The following EQTN variants were observed in gnomAD, a reference collection of about 807,000 sequenced individuals.
EQTN encodes equatorin.
EQTN carries 29 observed loss-of-function variants against 26.9 expected under a neutral mutation model. The ratio of observed to expected loss-of-function variants is 1.08; its 90% CI spans 0.80 to 1.47. The LOEUF (loss-of-function observed/expected upper bound fraction) is 1.47, where lower values mean the gene tolerates loss of function less well. Ranked by LOEUF, EQTN falls within the 40% of genes most tolerant of loss-of-function variation. EQTN has a pLI of 0.00. For synonymous variants in EQTN, 129 were observed against 120.0 expected (o/e 1.07, Z -0.49); for missense variants, 391 against 346.1 (o/e 1.13, Z -1.03).
intron 5 of EQTN, 32 bp downstream of exon 5, chr9:27,290,987 G>C (rs750271758): frequency 1.3e-6 from 2 of 1,599,766 alleles, no homozygotes; most frequent in Non-Finnish European, 8.5e-7. Context: ...AAACCAAAAT[G>C]TTTCCCAAGC....
At chr9:27,287,075 C>G (rs1392122921) in intron 6 of EQTN, among the ~76,000 whole-genome samples, 2 of 152,126 alleles carry the variant, frequency 1.3e-5, no homozygotes, top group East Asian at 1.9e-4. Flanking sequence ...TTACATTTTC[C>G]TGAATATATA....
Position 27,294,369 on chromosome 9 carries a change from T to A in EQTN, c.236A>T (p.Glu79Val). ...TGTGGCTCTCACAGATATTTCAGACTCAGTGCCATTTGGATTTTGTGTTGT... is the reference window on the plus strand; with the variant it reads ...TGTGGCTCTCACAGATATTTCAGACACAGTGCCATTTGGATTTTGTGTTGT... ...VFTTQNPNGT[E>V]SEISVRATTD... Residue 79 changes from glutamate (E) to valine (V), a missense_variant, in exon 3 of 8, where the codon GAG (glutamate) becomes GTG (valine). By Grantham distance (121) the Glu-to-Val change is moderately radical. Coordinates refer to ENST00000380032, the MANE Select transcript of EQTN (RefSeq NM_020641.3). 1 of 1,610,804 alleles carries A rather than the reference T, an allele frequency of 6.2e-7. No homozygotes were observed. The highest frequency in any genetic ancestry group is 8.5e-7 in the Non-Finnish European group (1 of 1,177,918).
intron 3 of EQTN, among the ~76,000 whole-genome samples, chr9:27,293,320 ATCC>A (rs540708302): frequency 6.0e-4 from 91 of 152,248 alleles, no homozygotes; most frequent in African/African-American, 2.1e-3. Context: ...TGCAACCCTT[ATCC>A]TCTGGAGAAA....
intron 6 of EQTN, among the ~76,000 whole-genome samples, chr9:27,287,319 T>A (rs1820142823): frequency 6.6e-6 from 1 of 152,232 alleles, no homozygotes; most frequent in South Asian, 2.1e-4. Flanking sequence ...TCAATGACTC[T>A]TTTAATGCTT....
At chr9:27,295,859 G>GAAAAAA (rs1563833686) in intron 2 of EQTN, among the ~76,000 whole-genome samples, 2 of 128,400 alleles carry the variant, frequency 1.6e-5, no homozygotes, top group Admixed American at 7.8e-5. Flanking sequence ...AAAAAACAAC[G>GAAAAAA]ATAAAATTAC....
intron 5 of EQTN, among the ~76,000 whole-genome samples, chr9:27,290,226 C>CA (rs1351094748): frequency 6.6e-6 from 1 of 151,964 alleles, no homozygotes; most frequent in Non-Finnish European, 1.5e-5. Context: ...ACAAAAAATG[C>CA]AAAAAACGTG....
intron 3 of EQTN, among the ~76,000 whole-genome samples, chr9:27,293,386 A>G (rs989275288): frequency 6.6e-6 from 1 of 152,164 alleles, no homozygotes; most frequent in Non-Finnish European, 1.5e-5. Context: ...TTTAGGGACT[A>G]TACTTAAGCA....
chr9:27,290,043 T>G (rs1751070903), intron 5 of EQTN, among the ~76,000 whole-genome samples: 1 of 152,204 alleles, frequency 6.6e-6, no homozygotes, highest in South Asian at 2.1e-4. Flanking sequence ...GTTGATTCAT[T>G]AACACTGAAC....
rs1820120248 is a variant in EQTN at position 27,286,274 on chromosome 9, G to A, written c.570C>T (p.Thr190=). The change falls in exon 7 of 8, where the codon ACC becomes ACT. Residue 190 remains threonine (T), a synonymous_variant. Transcript: ENST00000380032. The part of the protein sequence containing the change: ...IKIMLGISLM[T]LLLFVVLLAF... ...CCAAGAGGACCACAAAGAGGAGGAGGGTCATCAACGAGATTCCCAGCATTA... is the reference window on the plus strand; with the variant it reads ...CCAAGAGGACCACAAAGAGGAGGAGAGTCATCAACGAGATTCCCAGCATTA... 6.2e-7 allele frequency: 1 copy of A among 1,613,310 alleles called. No individual in the cohort carries two copies. The highest frequency in any genetic ancestry group is 8.5e-7 in the Non-Finnish European group (1 of 1,179,718).
Position 27,294,328 on chromosome 9 carries a change from C to G in EQTN, c.277G>C (p.Ala93Pro). The change falls in exon 3 of 8, where the codon GCT (alanine) becomes CCT (proline). Residue 93 changes from alanine (A) to proline (P), a missense_variant. Ala to Pro is a conservative substitution (Grantham distance 27, BLOSUM62 -1). Transcript: ENST00000380032. ...TTTCACTTCTTACCGTTTTTTAGAG[C>G]AAAATTCAGGTCAGTTGTGGCTCTC... is the stretch of plus-strand genomic sequence containing the variant. ...SVRATTDLNF[A>P]LKNDKTVNAT... The G allele has an allele frequency of 6.2e-7, 1 of 1,608,026 alleles. No individual in the cohort carries two copies. The highest frequency in any genetic ancestry group is 1.7e-4 in the Middle Eastern group (1 of 6,042).
intron 1 of EQTN, 110 bp downstream of exon 1, chr9:27,296,870 A>G (rs1820355895): frequency 2.6e-6 from 4 of 1,554,850 alleles, no homozygotes; most frequent in Non-Finnish European, 3.5e-6. Context: ...CATAGCTCCA[A>G]CAATAAAGTT....
chr9:27,291,241 A>T (rs1820229232), intron 4 of EQTN, among the ~76,000 whole-genome samples, 178 bp from the exon 5 acceptor site: 1 of 152,232 alleles, frequency 6.6e-6, no homozygotes, highest in Non-Finnish European at 1.5e-5. Context: ...CAGACATTAC[A>T]GTCAAGGAAC....
At chr9:27,296,483 A>C in intron 2 of EQTN, 130 bp downstream of exon 2, 1 of 632,726 alleles carries the variant, frequency 1.6e-6, no homozygotes, top group Non-Finnish European at 2.6e-6. Context: ...ATGAACAGGC[A>C]GGTCACAGAA....
rs1361826662 is a variant in EQTN at position 27,289,906 on chromosome 9, G to A, written c.422-175C>T. ...ACACTGTATTAACGAATACTGAACT[G>A]TTGCTCCCAGGGTAAATACAGGGTT... On this transcript the variant is annotated intron_variant, in intron 5 of 7. Transcript: ENST00000380032. Among the ~76,000 whole-genome samples the A allele has an allele frequency of 8.5e-5, 13 of 152,182 alleles. 1 individual carries two copies. The highest frequency in any genetic ancestry group is 8.5e-4 in the Admixed American group (13 of 15,272).
chr9:27,292,438 T>C lies in EQTN; in HGVS notation c.339A>G (p.Glu113=). The part of the protein sequence containing the change: ...TTYEKSTIEE[E]TTTSEPSHKN... ...TATGAGAGGGTTCGCTAGTAGTTGT[T>C]TCTTCTTCAATGGTGGATTTTTCAT... The change falls in exon 4 of 8, where the codon GAA becomes GAG. Residue 113 remains glutamate (E), a synonymous_variant. Transcript: ENST00000380032. 2 of 1,609,792 alleles carry C rather than the reference T, an allele frequency of 1.2e-6. No individual in the cohort carries two copies. The highest frequency in any genetic ancestry group is 1.7e-6 in the Non-Finnish European group (2 of 1,177,692).
intron 3 of EQTN, among the ~76,000 whole-genome samples, chr9:27,293,737 GT>G (rs1563832950): frequency 6.6e-6 from 1 of 152,158 alleles, no homozygotes; most frequent in Non-Finnish European, 1.5e-5. Context: ...CAAGATTCCC[GT>G]AAGTGATTTA....
intron 6 of EQTN, among the ~76,000 whole-genome samples, chr9:27,287,458 G>A (rs1438981630): frequency 6.6e-6 from 1 of 152,156 alleles, no homozygotes; most frequent in East Asian, 1.9e-4. Context: ...TCTTTATCTA[G>A]GTGATGGTCA....
intron 3 of EQTN, among the ~76,000 whole-genome samples, chr9:27,293,998 T>C (rs563270765): frequency 6.6e-6 from 1 of 152,286 alleles, no homozygotes; most frequent in South Asian, 2.1e-4. Flanking sequence ...GAATCCTAAA[T>C]GTAGTTATCA....
intron 7 of EQTN, 39 bp downstream of exon 7, chr9:27,286,170 T>C (rs749365416): frequency 6.9e-6 from 11 of 1,594,988 alleles, no homozygotes; most frequent in African/African-American, 2.7e-5. Context: ...TGCGATGTCA[T>C]GCATTTGTTG....
Sources: allele counts gnomAD v4.1 joint callset (sites outside exome capture counted in the v4.1 genomes callset), GRCh38; gene constraint gnomAD v4.1.1; transcripts MANE v1.5; gene names NCBI Gene and HGNC (gene_info 2026-07-23, HGNC 2026-07-21).